DNTT: variants seen among roughly 807,000 people sequenced by gnomAD.
DNTT encodes nucleosidetriphosphate:DNA deoxynucleotidylexotransferase.
Under a neutral mutation model 60.9 loss-of-function variants are expected in DNTT, and 47 were observed. The ratio of observed to expected loss-of-function variants is 0.77; its 90% CI spans 0.61 to 0.98. DNTT has a LOEUF of 0.98. Ranked by LOEUF, DNTT falls within the 50% of genes least tolerant of loss-of-function variation. The pLI is 0.00. For missense variants in DNTT, 665 were observed against 627.5 expected (o/e 1.06, Z -0.64); for synonymous variants, 224 against 221.2 (o/e 1.01, Z -0.11).
intron 4 of DNTT, 102 bp from the exon 5 acceptor site, chr10:96,322,555 A>G: frequency 1.2e-6 from 1 of 810,680 alleles, no homozygotes. Context: ...TGATGCATGC[A>G]CATTTCATGA....
At chr10:96,307,408 G>C (rs1321384686) in intron 1 of DNTT, among the ~76,000 whole-genome samples, 3 of 143,962 alleles carry the variant, frequency 2.1e-5, no homozygotes, top group Admixed American at 1.4e-4. Context: ...AGGCTGGAGT[G>C]CAGTGGCACG....
chr10:96,322,718 A>G lies in DNTT; in HGVS notation c.740A>G (p.Gln247Arg). 6.3e-7 allele frequency: 1 copy of G among 1,594,560 alleles called. No individual in the cohort carries two copies. The stretch of plus-strand genomic sequence containing the variant: ...GCTGTGTTAAATGATGAACGATATC[A>G]ATCCTTCAAAGTAAGTGATTTTACA... ...VKAVLNDERY[Q>R]SFKLFTSVFG... Residue 247 changes from glutamine (Q) to arginine (R), a missense_variant, in exon 5 of 11, where the codon CAA becomes CGA. Physicochemically the swap from Gln to Arg is conservative, Grantham distance 43. Coordinates refer to ENST00000371174, the MANE Select transcript of DNTT (RefSeq NM_004088.4).
intron 4 of DNTT, among the ~76,000 whole-genome samples, chr10:96,322,309 T>G (rs1844889847): frequency 6.6e-6 from 1 of 152,184 alleles, no homozygotes; most frequent in Admixed American, 6.5e-5. Context: ...AATGGAAAAG[T>G]CTTCTTATTT....
intron 9 of DNTT, among the ~76,000 whole-genome samples, chr10:96,335,037 C>G (rs1357199658): frequency 1.3e-5 from 2 of 152,204 alleles, no homozygotes; most frequent in African/African-American, 2.4e-5. Flanking sequence ...CAAAGTCCAT[C>G]TCCTCAACCA....
chr10:96,317,629 T>C (rs1844802199), intron 1 of DNTT, among the ~76,000 whole-genome samples: 1 of 152,110 alleles, frequency 6.6e-6, no homozygotes, highest in Non-Finnish European at 1.5e-5. Context: ...CTCCACCTAG[T>C]GAATGAGAAA....
At chr10:96,328,878 C>T (rs1227343208) in intron 8 of DNTT, 48 bp downstream of exon 8, 1 of 1,565,696 alleles carries the variant, frequency 6.4e-7, no homozygotes, top group Non-Finnish European at 8.7e-7. Flanking sequence ...ATTATGTTAA[C>T]ACTTGAATTT....
chr10:96,314,705 C>T (rs932836891), intron 1 of DNTT, among the ~76,000 whole-genome samples: 1 of 152,054 alleles, frequency 6.6e-6, no homozygotes, highest in Non-Finnish European at 1.5e-5. Context: ...AGCCACCGCG[C>T]CCAGCCTCTC....
In DNTT at chr10:96,322,824, C is replaced by T; in HGVS notation, c.750+96C>T. On this transcript the variant is annotated intron_variant, in intron 5 of 10. Transcript: ENST00000371174. ...TATTAGTCAGCTTGGGCTGCAATAA[C>T]AAAATACAGAGATGGCGTGGCTTAA... The T allele has an allele frequency of 4.2e-6, 4 of 955,068 alleles. No homozygotes were observed. The South Asian group carries it at 7.7e-5, about 18-fold the overall frequency. 59.2% of individuals were successfully genotyped at this position (955,068 alleles called of 1,614,324 possible). A position where few individuals can be genotyped will look rare whatever the true frequency, so the allele number is the denominator to read the frequency against.
rs749941412 is a variant in DNTT, at chr10:96,327,601, G to A, written c.1007+1G>A. ...TCACCATGACAGGAGGGTTCCGGAGGTAAATAACTTGGGTGGCTTTGCCTC... is the reference window on the plus strand; with the variant it reads ...TCACCATGACAGGAGGGTTCCGGAGATAAATAACTTGGGTGGCTTTGCCTC... On this transcript the variant is annotated splice_donor_variant, in intron 7 of 10. Coordinates refer to ENST00000371174, the MANE Select transcript of DNTT (RefSeq NM_004088.4). LOFTEE classifies it high-confidence loss of function. 10 of 1,611,972 alleles carry A rather than the reference G, an allele frequency of 6.2e-6. No individual in the cohort carries two copies. The highest frequency in any genetic ancestry group is 2.2e-5 in the East Asian group (1 of 44,860).
intron 1 of DNTT, among the ~76,000 whole-genome samples, chr10:96,313,106 C>G (rs1396321507): frequency 1.3e-5 from 2 of 152,182 alleles, no homozygotes; most frequent in African/African-American, 2.4e-5. Context: ...AATGCCAGTT[C>G]TCTCAGAATT....
In DNTT at chr10:96,318,469, G is replaced by A. The variant is rs907149404; in HGVS notation, c.321G>A (p.Leu107=). Residue 107 remains leucine, a synonymous_variant, in exon 2 of 11, where the codon CTG becomes CTA. Transcript: ENST00000371174. ...CAGAGCTCCTCGATGTCTCCTGGCT[G>A]ATCGAATGCATAAGAGCAGGGAAAC... is the stretch of plus-strand genomic sequence containing the variant. ...SQPELLDVSW[L]IECIRAGKPV... The A allele has an allele frequency of 6.2e-7, 1 of 1,613,890 alleles. No homozygotes were observed. Among genetic ancestry groups the A allele is most frequent in the Non-Finnish European group, 8.5e-7 (1 of 1,179,820 alleles).
At chr10:96,331,152 G>C (rs1392267593) in intron 8 of DNTT, among the ~76,000 whole-genome samples, 3 of 152,066 alleles carry the variant, frequency 2.0e-5, no homozygotes, top group African/African-American at 7.2e-5. Context: ...CTTTCTCCAA[G>C]GCAGGTGGAC....
At chr10:96,307,701 G>GTATATATATATATATA (rs1197196328) in intron 1 of DNTT, among the ~76,000 whole-genome samples, 1 of 85,026 alleles carries the variant, frequency 1.2e-5, no homozygotes, top group African/African-American at 3.8e-5. Flanking sequence ...GTGTGTGTGT[G>GTATATATATATATATA]TGTGTATATA....
rs1337287157 is a variant in DNTT at position 96,327,558 on chromosome 10, T to G, written c.965T>G (p.Phe322Cys). The change falls in exon 7 of 11, where the codon TTT (phenylalanine) becomes TGT (cysteine). Residue 322 changes from phenylalanine (F) to cysteine (C), a missense_variant. Phe to Cys is a radical substitution (Grantham distance 205). Coordinates refer to ENST00000371174, the MANE Select transcript of DNTT (RefSeq NM_004088.4). Reference protein sequence around the residue: ...SVLVKEAVWAFLPDAFVTMTG... With the variant: ...SVLVKEAVWACLPDAFVTMTG... Reference sequence around the variant, plus strand: ...CTGGTTAAAGAGGCTGTCTGGGCATTTCTTCCGGATGCTTTCGTCACCATG... The same window carrying G: ...CTGGTTAAAGAGGCTGTCTGGGCATGTCTTCCGGATGCTTTCGTCACCATG... 3.1e-6 allele frequency: 5 copies of G among 1,614,016 alleles called. No individual in the cohort carries two copies. The highest frequency in any genetic ancestry group is 4.2e-6 in the Non-Finnish European group (5 of 1,179,936).
intron 5 of DNTT, 49 bp downstream of exon 5, chr10:96,322,777 T>C: frequency 6.8e-7 from 1 of 1,463,354 alleles, no homozygotes. Context: ...CAGTTAATCT[T>C]ATTACTTATT....
chr10:96,310,965 T>C (rs1439224488), intron 1 of DNTT, among the ~76,000 whole-genome samples: 1 of 152,246 alleles, frequency 6.6e-6, no homozygotes, highest in Non-Finnish European at 1.5e-5. Context: ...CAAATTACTT[T>C]GTATTTCAAA....
rs1844818976 is a variant in DNTT at position 96,318,471 on chromosome 10, T to A, written c.323T>A (p.Ile108Asn). ...QPELLDVSWL[I>N]ECIRAGKPVE... is the part of the protein sequence containing the mutation. ...GAGCTCCTCGATGTCTCCTGGCTGA[T>A]CGAATGCATAAGAGCAGGGAAACCG... Residue 108 changes from isoleucine (I) to asparagine (N), a missense_variant, in exon 2 of 11, where the codon ATC becomes AAC. Coordinates refer to ENST00000371174, the MANE Select transcript of DNTT (RefSeq NM_004088.4). The A allele has an allele frequency of 6.2e-7, 1 of 1,613,756 alleles. No homozygotes were observed. Among genetic ancestry groups the A allele is most frequent in the South Asian group, 1.1e-5 (1 of 91,050 alleles).
In DNTT at chr10:96,332,405, C is replaced by T. The variant is rs1845017184; in HGVS notation, c.1168C>T (p.Pro390Ser). 2 of 1,613,986 alleles carry T rather than the reference C, an allele frequency of 1.2e-6. No homozygotes were observed. The highest frequency in any genetic ancestry group is 2.7e-5 in the African/African-American group (2 of 74,888). ...VESTFEKLRL[P>S]SRKVDALDHF... ...GTCAACATTTGAAAAGCTCAGGTTGCCTAGCAGGAAGGTTGATGCTTTGGA... is the reference window on the plus strand; with the variant it reads ...GTCAACATTTGAAAAGCTCAGGTTGTCTAGCAGGAAGGTTGATGCTTTGGA... Residue 390 changes from proline to serine, a missense_variant, in exon 9 of 11, where the codon CCT (proline) becomes TCT (serine). Pro to Ser is a moderately conservative substitution (Grantham distance 74, BLOSUM62 -1). Transcript: ENST00000371174.
At chr10:96,334,809 C>G (rs1452687121) in intron 9 of DNTT, among the ~76,000 whole-genome samples, 5 of 152,168 alleles carry the variant, frequency 3.3e-5, no homozygotes, top group Admixed American at 1.3e-4. Context: ...GAAAGAAGTC[C>G]TTGGTTATGC....
Sources: gnomAD v4.1 joint callset for allele counts (sites outside exome capture counted in the v4.1 genomes callset) on GRCh38, gnomAD v4.1.1 for gene constraint, MANE v1.5 for transcripts, NCBI Gene and HGNC (gene_info 2026-07-23, HGNC 2026-07-21) for gene names.